The following CYP27C1 variants were observed in gnomAD, a reference collection of about 807,000 sequenced individuals.
The protein encoded by CYP27C1 is cytochrome P450 family 27 subfamily C member 1, also known as cytochrome P450 27C1.
A neutral mutation model predicts 40.6 loss-of-function variants in CYP27C1; 29 were observed. The observed-to-expected ratio is 0.71, with a 90% confidence interval of 0.53 to 0.97. The LOEUF (loss-of-function observed/expected upper bound fraction) is 0.97, where lower values mean the gene tolerates loss of function less well. CYP27C1 is among the 50% of genes least tolerant of loss of function. The pLI is 0.00. For synonymous variants in CYP27C1, 198 were observed against 186.8 expected, an observed-to-expected ratio of 1.06 and a Z score of -0.49; for missense variants, 390 against 485.8, an observed-to-expected ratio of 0.80 and a Z score of 1.85.
chr2:127,204,614 A>AAGCAAGCAAGCAAGCAAGC (rs1683181399), intron 2 of CYP27C1, among the ~76,000 whole-genome samples: 2 of 104,246 alleles, frequency 1.9e-5, no homozygotes, highest in African/African-American at 8.0e-5. Context: ...AGAAAGAAAG[A>AAGCAAGCAAGCAAGCAAGC]AAGAAAGAAA....
intron 8 of CYP27C1, among the ~76,000 whole-genome samples, chr2:127,189,574 A>G (rs1682715595): frequency 1.3e-5 from 2 of 151,866 alleles, no homozygotes; most frequent in Admixed American, 1.3e-4. Context: ...TACCTATGTA[A>G]CAAACCTACG....
At chr2:127,215,968 A>C (rs906185177) in intron 1 of CYP27C1, among the ~76,000 whole-genome samples, 3 of 152,238 alleles carry the variant, frequency 2.0e-5, no homozygotes, top group African/African-American at 7.2e-5. Context: ...TATGCTCAAC[A>C]TCATCAGTCA....
At position 127,211,888 on chromosome 2, in the gene CYP27C1, A is replaced by T. The variant is rs199553601; in HGVS notation, c.283-5798T>A. On this transcript the variant is annotated intron_variant, in intron 1 of 8. Coordinates refer to ENST00000664447, the MANE Select transcript of CYP27C1 (RefSeq NM_001367502.1). ...GAGACATGAAAAACCCTCCAAAAAAATCAATGAATCCAGGAACTGGTTTTT... is the reference window on the plus strand; with the variant it reads ...GAGACATGAAAAACCCTCCAAAAAATTCAATGAATCCAGGAACTGGTTTTT... Among the ~76,000 whole-genome samples, 14 of 152,312 alleles carry T rather than the reference A, an allele frequency of 9.2e-5. No homozygotes were observed. In the East Asian group the frequency reaches 2.5e-3, roughly 27 times the overall value.
rs531791034 is a variant in CYP27C1 at position 127,185,552 on chromosome 2, C to T, written c.*1719G>A. ...CTACCTCAAAGTAATCAATCCAACA[C>T]TTGGCCAGTTAATATGACCTAATTT... On this transcript the variant is annotated 3_prime_UTR_variant, in exon 9 of 9. Coordinates refer to ENST00000664447, the MANE Select transcript of CYP27C1 (RefSeq NM_001367502.1). This position sits in a 1 kb window ranked among gnomAD's most constrained non-coding sequence, Gnocchi z 4.9. 4.6e-5 allele frequency: 7 copies of T among 152,212 alleles called. No homozygotes were observed. Among genetic ancestry groups the T allele is most frequent in the African/African-American group, 1.7e-4 (7 of 41,442 alleles). 9.4% of individuals were successfully genotyped at this position (152,212 alleles called of 1,614,324 possible).
At position 127,218,576 on chromosome 2, in the gene CYP27C1, TTGCTCCTC is replaced by T. The variant is rs950711104; in HGVS notation, c.282+1405_282+1412del. ...ATTTTAATTCCCGGCCGAATTAAAA[TTGCTCCTC>T]GCACGCCCGTTTTTCCATTAATGAG... On this transcript the variant is annotated intron_variant, in intron 1 of 8. Transcript: ENST00000664447. The surrounding 1 kb of genome is among the most constrained non-coding windows in gnomAD (Gnocchi z 6.0). Among the ~76,000 whole-genome samples, 8 of 152,076 alleles carry T rather than the reference TTGCTCCTC, an allele frequency of 5.3e-5. No homozygotes were observed. Among genetic ancestry groups the T allele is most frequent in the African/African-American group, 1.9e-4 (8 of 41,426 alleles).
rs1292013535 is a variant in CYP27C1 at position 127,219,924 on chromosome 2, G to C, written c.282+65C>G. 1 of 149,830 alleles carries C rather than the reference G, an allele frequency of 6.7e-6. No individual in the cohort carries two copies. Among genetic ancestry groups the C allele is most frequent in the Non-Finnish European group, 1.5e-5 (1 of 67,448 alleles). 9.3% of individuals were successfully genotyped at this position (149,830 alleles called of 1,614,324 possible). A position where few individuals can be genotyped will look rare whatever the true frequency, so the allele number is the denominator to read the frequency against. ...CCGCGCCCCTCCCTGGCGCCCTCCC[G>C]CCCGCGCCGTCAGCCTTCTGGGCAG... is the stretch of plus-strand genomic sequence containing the variant. On this transcript the variant is annotated intron_variant, in intron 1 of 8. Transcript: ENST00000664447. This position sits in a 1 kb window ranked among gnomAD's most constrained non-coding sequence, Gnocchi z 8.7.
chr2:127,193,659 T>TA (rs1682834712), intron 7 of CYP27C1, 130 bp downstream of exon 7: 1 of 1,019,336 alleles, frequency 9.8e-7, no homozygotes, highest in Non-Finnish European at 1.5e-6. Flanking sequence ...ATCTTCATCT[T>TA]AAAATACATG....
Position 127,204,551 on chromosome 2 carries a change from GAGAGAGAAAGAAAGAAAGAA to G in CYP27C1, c.474-1000_474-981del, listed in dbSNP as rs1384390666. On this transcript the variant is annotated intron_variant, in intron 2 of 8. Coordinates refer to ENST00000664447, the MANE Select transcript of CYP27C1 (RefSeq NM_001367502.1). Reference sequence around the variant, plus strand: ...AAAGAAAGAAAGAGAGAGAGAGAGAGAGAGAGAAAGAAAGAAAGAAAGAAAGAAAGAAAGAAAGAAAGAAA... The same window carrying G: ...AAAGAAAGAAAGAGAGAGAGAGAGAGAGAAAGAAAGAAAGAAAGAAAGAAA... Among the ~76,000 whole-genome samples, 50 of 51,302 alleles carry G rather than the reference GAGAGAGAAAGAAAGAAAGAA, an allele frequency of 9.7e-4. 3 individuals carry two copies. The highest frequency in any genetic ancestry group is 2.1e-3 in the African/African-American group (31 of 14,724). The allele number at this position is 51,302 out of a possible 152,430, so 33.7% of individuals were successfully genotyped here.
In CYP27C1 at chr2:127,200,278, C is replaced by T. The variant is rs925543610; in HGVS notation, c.884-739G>A. ...TACAGGCGTGAGCCACTGCACCCAGCCTAAATATTGATCTTGAAAAGACAC... is the reference window on the plus strand; with the variant it reads ...TACAGGCGTGAGCCACTGCACCCAGTCTAAATATTGATCTTGAAAAGACAC... On this transcript the variant is annotated intron_variant, in intron 4 of 8. Coordinates refer to ENST00000664447, the MANE Select transcript of CYP27C1 (RefSeq NM_001367502.1). The surrounding 1 kb of genome is among the most constrained non-coding windows in gnomAD (Gnocchi z 4.2). Among the ~76,000 whole-genome samples the T allele has an allele frequency of 6.6e-6, 1 of 152,204 alleles. No homozygotes were observed. The highest frequency in any genetic ancestry group is 2.1e-4 in the South Asian group (1 of 4,826).
At chr2:127,211,594 C>G (rs1171799571) in intron 1 of CYP27C1, among the ~76,000 whole-genome samples, 2 of 151,884 alleles carry the variant, frequency 1.3e-5, no homozygotes, top group African/African-American at 4.8e-5. Flanking sequence ...ACCGTATTAG[C>G]CAGGATGGTC....
At position 127,204,553 on chromosome 2, in the gene CYP27C1, GAGAGAAAGAAAGAAAGAA is replaced by G. The variant is rs1373117216; in HGVS notation, c.474-1000_474-983del. On this transcript the variant is annotated intron_variant, in intron 2 of 8. Coordinates refer to ENST00000664447, the MANE Select transcript of CYP27C1 (RefSeq NM_001367502.1). Reference sequence around the variant, plus strand: ...AGAAAGAAAGAGAGAGAGAGAGAGAGAGAGAAAGAAAGAAAGAAAGAAAGAAAGAAAGAAAGAAAGAAA... The same window carrying G: ...AGAAAGAAAGAGAGAGAGAGAGAGAGAGAAAGAAAGAAAGAAAGAAAGAAA... Among the ~76,000 whole-genome samples, 37 of 70,618 alleles carry G rather than the reference GAGAGAAAGAAAGAAAGAA, an allele frequency of 5.2e-4. 1 individual carries two copies. Among genetic ancestry groups the G allele is most frequent in the African/African-American group, 1.0e-3 (18 of 17,384 alleles). 46.3% of individuals were successfully genotyped at this position (70,618 alleles called of 152,430 possible).
rs1486962538 is a variant in CYP27C1, at chr2:127,193,309, A to G, written c.1294-12T>C. On this transcript the variant is annotated splice_polypyrimidine_tract_variant and intron_variant, in intron 7 of 8. Transcript: ENST00000664447. The stretch of plus-strand genomic sequence containing the variant: ...AGGGCCAGCTGGGTCTGAGGAAATC[A>G]GGGATGACAGAAAAGGGAAAAGGGG... 3 of 1,614,016 alleles carry G rather than the reference A, an allele frequency of 1.9e-6. No individual in the cohort carries two copies. Among genetic ancestry groups the G allele is most frequent in the South Asian group, 1.1e-5 (1 of 91,070 alleles).
Position 127,190,121 on chromosome 2 carries a change from TCTCA to T in CYP27C1, c.1498-2738_1498-2735del, listed in dbSNP as rs1682730436. Among the ~76,000 whole-genome samples, 6 of 152,330 alleles carry T rather than the reference TCTCA, an allele frequency of 3.9e-5. No homozygotes were observed. The South Asian group carries it at 1.0e-3, about 26-fold the overall frequency. The stretch of plus-strand genomic sequence containing the variant: ...CCACTGACTCATTTCTTTGATCTGC[TCTCA>T]CTGATTCGATATCTTAGGTCTGTTC... On this transcript the variant is annotated intron_variant, in intron 8 of 8. Transcript: ENST00000664447.
At chr2:127,194,258 G>A (rs2102237) in intron 6 of CYP27C1, among the ~76,000 whole-genome samples, 5,424 of 152,124 alleles carry the variant, frequency 0.036, 309 homozygotes, top group African/African-American at 0.12. Context: ...TTCGGCGATC[G>A]GATTATCTCA....
rs1278603710 is a variant in CYP27C1 at position 127,192,629 on chromosome 2, G to GTT, written c.1497+464_1497+465insAA. ...CCACTGTGCCTTTCCCGGGGGGGGGGGCTGCTGCTGACGGTGCCTGAGAGG... is the reference window on the plus strand; with the variant it reads ...CCACTGTGCCTTTCCCGGGGGGGGGGTTGCTGCTGCTGACGGTGCCTGAGAGG... On this transcript the variant is annotated intron_variant, in intron 8 of 8. Transcript: ENST00000664447. 2.1e-5 allele frequency among the ~76,000 whole-genome samples: 3 copies of GTT among 141,466 alleles called. No individual in the cohort carries two copies. The East Asian group carries it at 6.6e-4, about 31-fold the overall frequency. 92.8% of individuals were successfully genotyped at this position (141,466 alleles called of 152,430 possible). A position where few individuals can be genotyped will look rare whatever the true frequency, so the allele number is the denominator to read the frequency against.
Position 127,184,737 on chromosome 2 carries a change from G to C in CYP27C1, c.*2534C>G, listed in dbSNP as rs760934777. ...CCTCCTCTTGTTTTTTGCCTGTCAC[G>C]TATTTGTTTTGTTGGAAACCCGAGA... On this transcript the variant is annotated 3_prime_UTR_variant, in exon 9 of 9. Transcript: ENST00000664447. 6.6e-6 allele frequency: 1 copy of C among 152,234 alleles called. No individual in the cohort carries two copies. The highest frequency in any genetic ancestry group is 6.5e-5 in the Admixed American group (1 of 15,272). The allele number at this position is 152,234 out of a possible 1,614,324, so 9.4% of individuals were successfully genotyped here.
chr2:127,204,294 G>C (rs1349698629), intron 2 of CYP27C1, among the ~76,000 whole-genome samples: 2 of 99,168 alleles, frequency 2.0e-5, no homozygotes, highest in Non-Finnish European at 3.7e-5. Flanking sequence ...GAGAGAGAGA[G>C]AGAGAGAAAA....
intron 5 of CYP27C1, among the ~76,000 whole-genome samples, chr2:127,197,636 C>G (rs1016096623): frequency 6.6e-6 from 1 of 152,166 alleles, no homozygotes; most frequent in East Asian, 1.9e-4. Context: ...CTCTTTCCAC[C>G]CGACCACCAG....
rs1683285886 is a variant in CYP27C1, at chr2:127,208,967, C to G, written c.283-2877G>C. Among the ~76,000 whole-genome samples the G allele has an allele frequency of 6.6e-6, 1 of 152,168 alleles. No individual in the cohort carries two copies. The highest frequency in any genetic ancestry group is 1.5e-5 in the Non-Finnish European group (1 of 68,016). On this transcript the variant is annotated intron_variant, in intron 1 of 8. Transcript: ENST00000664447. This position sits in a 1 kb window ranked among gnomAD's most constrained non-coding sequence, Gnocchi z 5.2. Reference sequence around the variant, plus strand: ...CAGGCAATCCAGACTAGTGGGTTTCCCCCAAGCAAAACACACCCTCCCCAC... The same window carrying G: ...CAGGCAATCCAGACTAGTGGGTTTCGCCCAAGCAAAACACACCCTCCCCAC...
Sources: allele counts gnomAD v4.1 joint callset (sites outside exome capture counted in the v4.1 genomes callset), GRCh38; gene constraint gnomAD v4.1.1; non-coding constraint Gnocchi (gnomAD v3.1); transcripts MANE v1.5; gene names NCBI Gene and HGNC (gene_info 2026-07-23, HGNC 2026-07-21).